ZBED5: variants seen among roughly 807,000 people sequenced by gnomAD.
ZBED5 encodes zinc finger BED domain-containing protein 5.
In ZBED5, 29 loss-of-function variants were observed where a neutral mutation model predicts 49.2. The observed-to-expected ratio is 0.59, with a 90% CI of 0.44 to 0.80. ZBED5 has a LOEUF of 0.80. ZBED5 is among the 30% of genes least tolerant of loss of function. The pLI is 0.00. For missense variants in ZBED5, 775 were observed against 812.9 expected, an observed-to-expected ratio of 0.95 and a Z score of 0.57; for synonymous variants, 281 against 292.5, an observed-to-expected ratio of 0.96 and a Z score of 0.40.
chr11:10,854,623 C>T lies in ZBED5; in HGVS notation c.323G>A (p.Arg108Lys), dbSNP rs1461642960. The T allele has an allele frequency of 1.9e-6, 3 of 1,550,646 alleles. No individual in the cohort carries two copies. The highest frequency in any genetic ancestry group is 1.4e-5 in the African/African-American group (1 of 72,910). Residue 108 changes from arginine to lysine, a missense_variant, in exon 3 of 3, where the codon AGA becomes AAA. By Grantham distance (26) the Arg-to-Lys change is conservative (BLOSUM62 2). Coordinates refer to ENST00000413761, the MANE Select transcript of ZBED5 (RefSeq NM_001143667.2). This position sits in a 1 kb window ranked among gnomAD's most constrained non-coding sequence, Gnocchi z 5.0. ...AGACAAATAACTTTCATCATATTTT[C>T]TTCTTTTTGGTTTTTTACTAAATGT... ...KITFSKKPKR[R>K]KYDESYLSFG...
chr11:10,853,353 ACT>A lies in ZBED5; in HGVS notation c.1591_1592del (p.Ser531Ter). On this transcript the variant is annotated frameshift_variant, in exon 3 of 3. Transcript: ENST00000413761. LOFTEE classifies it high-confidence loss of function. The surrounding 1 kb of genome is among the most constrained non-coding windows in gnomAD (Gnocchi z 5.4). ...TAGAATTAATTTCAGTCAAAAAATC[ACT>A]GAGTGTAGGAAAACAATCAAAGTTT... The part of the protein sequence containing the change: ...EENFDCFPTL[S>X]DFLTEINSTV... 6.4e-7 allele frequency: 1 copy of A among 1,551,620 alleles called. No homozygotes were observed. The highest frequency in any genetic ancestry group is 8.7e-7 in the Non-Finnish European group (1 of 1,146,936).
rs1848204660 is a variant in ZBED5 at position 10,857,773 on chromosome 11, C to G, written c.-256+89G>C. 6.6e-6 allele frequency: 1 copy of G among 152,334 alleles called. No homozygotes were observed. Among genetic ancestry groups the G allele is most frequent in the Non-Finnish European group, 1.5e-5 (1 of 68,130 alleles). 9.4% of individuals were successfully genotyped at this position (152,334 alleles called of 1,614,324 possible). On this transcript the variant is annotated intron_variant, in intron 1 of 2. Transcript: ENST00000413761. This position sits in a 1 kb window ranked among gnomAD's most constrained non-coding sequence, Gnocchi z 6.3. ...TGCACAGCAGCGCCGCGGTCCACAG[C>G]AGAGCCCGCGACCGCCATCTTAGGC...
rs753791731 is a variant in ZBED5, at chr11:10,854,614, T to A, written c.332A>T (p.Asp111Val). 50 of 1,550,846 alleles carry A rather than the reference T, an allele frequency of 3.2e-5. 1 individual carries two copies. In the South Asian group the frequency reaches 6.0e-4, roughly 18 times the overall value. The change falls in exon 3 of 3, where the codon GAT becomes GTT. Residue 111 changes from aspartate (D) to valine (V), a missense_variant. Coordinates refer to ENST00000413761, the MANE Select transcript of ZBED5 (RefSeq NM_001143667.2). This position sits in a 1 kb window ranked among gnomAD's most constrained non-coding sequence, Gnocchi z 5.0. ...AAATCCAAAAGACAAATAACTTTCA[T>A]CATATTTTCTTCTTTTTGGTTTTTT... Reference protein sequence around the residue: ...FSKKPKRRKYDESYLSFGFTY... With the variant: ...FSKKPKRRKYVESYLSFGFTY...
rs1410233341 is a variant in ZBED5 at position 10,853,136 on chromosome 11, C to T, written c.1810G>A (p.Val604Met). 5 of 1,551,648 alleles carry T rather than the reference C, an allele frequency of 3.2e-6. No individual in the cohort carries two copies. Among genetic ancestry groups the T allele is most frequent in the South Asian group, 1.2e-5 (1 of 84,050 alleles). ...SLIDLTSDSQ[V>M]KQNFSELSLN... is the part of the protein sequence containing the mutation. The stretch of plus-strand genomic sequence containing the variant: ...GAAAGTTCACTAAAATTTTGCTTCA[C>T]TTGAGAATCAGATGTTAAATCAATC... Residue 604 changes from valine to methionine, a missense_variant, in exon 3 of 3, where the codon GTG (valine) becomes ATG (methionine). Coordinates refer to ENST00000413761, the MANE Select transcript of ZBED5 (RefSeq NM_001143667.2). This position sits in a 1 kb window ranked among gnomAD's most constrained non-coding sequence, Gnocchi z 5.4.
In ZBED5 at chr11:10,853,905, C is replaced by T; in HGVS notation, c.1041G>A (p.Arg347=). The change falls in exon 3 of 3, where the codon AGG becomes AGA. Residue 347 remains arginine, a synonymous_variant. Transcript: ENST00000413761. This position sits in a 1 kb window ranked among gnomAD's most constrained non-coding sequence, Gnocchi z 5.4. ...CTTCGGCAATTTTCCCATCCACTGCCCTAGAAGCATCACTACAAACATCAA... is the reference window on the plus strand; with the variant it reads ...CTTCGGCAATTTTCCCATCCACTGCTCTAGAAGCATCACTACAAACATCAA... ...KCVDVCSDAS[R]AVDGKIAEAV... 6.4e-7 allele frequency: 1 copy of T among 1,551,574 alleles called. No individual in the cohort carries two copies. Among genetic ancestry groups the T allele is most frequent in the Non-Finnish European group, 8.7e-7 (1 of 1,146,948 alleles).
At chr11:10,856,507 A>C (rs554037025) in intron 1 of ZBED5, among the ~76,000 whole-genome samples, 120 of 152,318 alleles carry the variant, frequency 7.9e-4, no homozygotes, top group East Asian at 1.7e-3. Context: ...TGTTAAAACA[A>C]CACCACCACC....
chr11:10,854,277 T>G lies in ZBED5; in HGVS notation c.669A>C (p.Lys223Asn). 1 of 1,551,162 alleles carries G rather than the reference T, an allele frequency of 6.4e-7. No homozygotes were observed. The highest frequency in any genetic ancestry group is 8.7e-7 in the Non-Finnish European group (1 of 1,146,900). ...IGELLIKPCA[K>N]DVVMRMFDEQ... ...CATCAAACATCCGCATCACTACATC[T>G]TTTGCACAAGGTTTGATAAGCAATT... Residue 223 changes from lysine to asparagine, a missense_variant, in exon 3 of 3, where the codon AAA becomes AAC. By Grantham distance (94) the Lys-to-Asn change is moderately conservative (BLOSUM62 0). Coordinates refer to ENST00000413761, the MANE Select transcript of ZBED5 (RefSeq NM_001143667.2). This position sits in a 1 kb window ranked among gnomAD's most constrained non-coding sequence, Gnocchi z 5.0.
rs985124452 is a variant in ZBED5 at position 10,855,193 on chromosome 11, A to G, written c.-141-107T>C. On this transcript the variant is annotated intron_variant, in intron 2 of 2. Coordinates refer to ENST00000413761, the MANE Select transcript of ZBED5 (RefSeq NM_001143667.2). The surrounding 1 kb of genome is among the most constrained non-coding windows in gnomAD (Gnocchi z 4.1). ...TAAAATCAACCATAAAGAAAAACCA[A>G]TATTAGCATCAATCATTTTCTCAAA... 2.5e-5 allele frequency: 9 copies of G among 361,032 alleles called. No homozygotes were observed. Among genetic ancestry groups the G allele is most frequent in the East Asian group, 2.3e-4 (5 of 21,798 alleles). The allele number at this position is 361,032 out of a possible 1,614,324, so 22.4% of individuals were successfully genotyped here.
Position 10,852,940 on chromosome 11 carries a change from C to T in ZBED5, c.2006G>A (p.Arg669Gln), listed in dbSNP as rs1391392954. ...RKRLDAAPHM[R>Q]IRLSNITPNI... is the part of the protein sequence containing the mutation. ...AGGTGTAATATTGCTAAGTCGGATT[C>T]GCATATGAGGTGCAGCATCAAGTCT... is the stretch of plus-strand genomic sequence containing the variant. The change falls in exon 3 of 3, where the codon CGA becomes CAA. Residue 669 changes from arginine (R) to glutamine (Q), a missense_variant. By Grantham distance (43) the Arg-to-Gln change is conservative. Transcript: ENST00000413761. 5 of 1,551,348 alleles carry T rather than the reference C, an allele frequency of 3.2e-6. No homozygotes were observed. Among genetic ancestry groups the T allele is most frequent in the Non-Finnish European group, 4.4e-6 (5 of 1,146,866 alleles).
chr11:10,856,692 G>A (rs1848186335), intron 1 of ZBED5, among the ~76,000 whole-genome samples: 1 of 152,164 alleles, frequency 6.6e-6, no homozygotes, highest in Non-Finnish European at 1.5e-5. Flanking sequence ...GGTAAACAAT[G>A]TCTAATGACT....
At position 10,857,295 on chromosome 11, in the gene ZBED5, C is replaced by T. The variant is rs1439257363; in HGVS notation, c.-256+567G>A. On this transcript the variant is annotated intron_variant, in intron 1 of 2. Transcript: ENST00000413761. This position sits in a 1 kb window ranked among gnomAD's most constrained non-coding sequence, Gnocchi z 6.3. ...CTCCTTTGAGAGTAAAGTTTCCTTT[C>T]CACTCCCTGAAGAGCGGGGAAAACT... 6.6e-6 allele frequency: 1 copy of T among 152,238 alleles called. No individual in the cohort carries two copies. The highest frequency in any genetic ancestry group is 2.4e-5 in the African/African-American group (1 of 41,450). The allele number at this position is 152,238 out of a possible 1,614,324, so 9.4% of individuals were successfully genotyped here. A position where few individuals can be genotyped will look rare whatever the true frequency, so the allele number is the denominator to read the frequency against.
chr11:10,854,780 T>A lies in ZBED5; in HGVS notation c.166A>T (p.Ile56Phe). 1 of 1,552,052 alleles carries A rather than the reference T, an allele frequency of 6.4e-7. No homozygotes were observed. The highest frequency in any genetic ancestry group is 1.4e-5 in the African/African-American group (1 of 73,192). ...KQEVESFCYQ[I>F]VSESNDQKVG... is the part of the protein sequence containing the mutation. ...TTCTGATCATTTGATTCAGACACAA[T>A]CTGATAACAGAAAGATTCCACTTCT... The change falls in exon 3 of 3, where the codon ATT becomes TTT. Residue 56 changes from isoleucine (I) to phenylalanine (F), a missense_variant. Physicochemically the swap from Ile to Phe is conservative, Grantham distance 21. Coordinates refer to ENST00000413761, the MANE Select transcript of ZBED5 (RefSeq NM_001143667.2). This position sits in a 1 kb window ranked among gnomAD's most constrained non-coding sequence, Gnocchi z 5.0.
In ZBED5 at chr11:10,855,070, G is replaced by C; in HGVS notation, c.-125C>G. 1 of 1,186,372 alleles carries C rather than the reference G, an allele frequency of 8.4e-7. No individual in the cohort carries two copies. Among genetic ancestry groups the C allele is most frequent in the Non-Finnish European group, 1.2e-6 (1 of 864,374 alleles). The allele number at this position is 1,186,372 out of a possible 1,614,324, so 73.5% of individuals were successfully genotyped here. ...CTCATGCGACTTCCTGGTGCTCTCA[G>C]GTATGGTACACCTTTTCTTAAAGGT... On this transcript the variant is annotated 5_prime_UTR_variant, in exon 3 of 3. Transcript: ENST00000413761. The surrounding 1 kb of genome is among the most constrained non-coding windows in gnomAD (Gnocchi z 4.1).
At position 10,855,995 on chromosome 11, in the gene ZBED5, C is replaced by G. The variant is rs2119523108; in HGVS notation, c.-142+149G>C. The G allele has an allele frequency of 6.6e-6, 1 of 152,196 alleles. No homozygotes were observed. The highest frequency in any genetic ancestry group is 1.9e-4 in the East Asian group (1 of 5,178). 9.4% of individuals were successfully genotyped at this position (152,196 alleles called of 1,614,324 possible). A position where few individuals can be genotyped will look rare whatever the true frequency, so the allele number is the denominator to read the frequency against. On this transcript the variant is annotated intron_variant, in intron 2 of 2. Transcript: ENST00000413761. The surrounding 1 kb of genome is among the most constrained non-coding windows in gnomAD (Gnocchi z 4.1). ...GGATTGCTAAAGAATACTATTAACT[C>G]TATAAATCAAGGCATACAAATTATG...
At chr11:10,856,839 G>C (rs748225703) in intron 1 of ZBED5, among the ~76,000 whole-genome samples, 7 of 152,172 alleles carry the variant, frequency 4.6e-5, no homozygotes, top group Non-Finnish European at 8.8e-5. Context: ...AACACCTCTT[G>C]TAAGTGAAAA....
Position 10,854,152 on chromosome 11 carries a change from C to T in ZBED5, c.794G>A (p.Cys265Tyr), listed in dbSNP as rs2119515463. 1 of 1,551,050 alleles carries T rather than the reference C, an allele frequency of 6.4e-7. No homozygotes were observed. The highest frequency in any genetic ancestry group is 2.4e-5 in the East Asian group (1 of 40,908). Reference sequence around the variant, plus strand: ...AAACCCATCGCAAATTTTCAGTCTACAAACAAGCTCTTCTTCAATGTCAGC... The same window carrying T: ...AAACCCATCGCAAATTTTCAGTCTATAAACAAGCTCTTCTTCAATGTCAGC... ...LAADIEEELV[C>Y]RLKICDGFSL... Residue 265 changes from cysteine to tyrosine, a missense_variant, in exon 3 of 3, where the codon TGT (cysteine) becomes TAT (tyrosine). Coordinates refer to ENST00000413761, the MANE Select transcript of ZBED5 (RefSeq NM_001143667.2). The surrounding 1 kb of genome is among the most constrained non-coding windows in gnomAD (Gnocchi z 5.0).
rs1168709251 is a variant in ZBED5 at position 10,854,438 on chromosome 11, G to C, written c.508C>G (p.Gln170Glu). ...TTATTTTCAGGTGAATCGAGATGTT[G>C]CTTGAAAAAGCTTATGTCTTTGTCT... ...YKDKDISFFK[Q>E]HLDSPENNKP... The change falls in exon 3 of 3, where the codon CAA becomes GAA. Residue 170 changes from glutamine to glutamate, a missense_variant. Gln to Glu is a conservative substitution (Grantham distance 29). Coordinates refer to ENST00000413761, the MANE Select transcript of ZBED5 (RefSeq NM_001143667.2). The surrounding 1 kb of genome is among the most constrained non-coding windows in gnomAD (Gnocchi z 5.0). The C allele has an allele frequency of 1.2e-5, 19 of 1,551,294 alleles. No homozygotes were observed. The highest frequency in any genetic ancestry group is 1.7e-4 in the Middle Eastern group (1 of 5,990).
chr11:10,854,372 T>C lies in ZBED5; in HGVS notation c.574A>G (p.Ser192Gly). The change falls in exon 3 of 3, where the codon AGT (serine) becomes GGT (glycine). Residue 192 changes from serine to glycine, a missense_variant. Coordinates refer to ENST00000413761, the MANE Select transcript of ZBED5 (RefSeq NM_001143667.2). This position sits in a 1 kb window ranked among gnomAD's most constrained non-coding sequence, Gnocchi z 5.0. The part of the protein sequence containing the change: ...TPKIVNTDNE[S>G]ATEASYNVSY... ...ACATTGTATGATGCTTCTGTAGCAC[T>C]TTCATTATCTGTATTCACAATTTTA... 2.6e-6 allele frequency: 4 copies of C among 1,550,996 alleles called. No homozygotes were observed. Among genetic ancestry groups the C allele is most frequent in the Non-Finnish European group, 3.5e-6 (4 of 1,146,934 alleles).
rs1564997425 is a variant in ZBED5, at chr11:10,852,869, GAGA to G, written c.2074_2076del (p.Ser692del). 6.6e-7 allele frequency: 1 copy of G among 1,519,506 alleles called. No homozygotes were observed. The highest frequency in any genetic ancestry group is 2.5e-5 in the East Asian group (1 of 40,252). 94.1% of individuals were successfully genotyped at this position (1,519,506 alleles called of 1,614,324 possible). A position where few individuals can be genotyped will look rare whatever the true frequency, so the allele number is the denominator to read the frequency against. ...ACATGCAAACTCCTCCAATTTTAAT[GAGA>G]ACAGTGTTTTTGTGTCTTTTTATCA... On this transcript the variant is annotated inframe_deletion, in exon 3 of 3. Coordinates refer to ENST00000413761, the MANE Select transcript of ZBED5 (RefSeq NM_001143667.2).
Sources: allele counts gnomAD v4.1 joint callset (sites outside exome capture counted in the v4.1 genomes callset), GRCh38; gene constraint gnomAD v4.1.1; non-coding constraint Gnocchi (gnomAD v3.1); transcripts MANE v1.5; gene names NCBI Gene and HGNC (gene_info 2026-07-23, HGNC 2026-07-21).